The following PTPRN2 variants were observed in gnomAD, a reference collection of about 807,000 sequenced individuals.
PTPRN2 encodes receptor-type tyrosine-protein phosphatase N2.
PTPRN2 carries 74 observed loss-of-function variants against 118.8 expected under a neutral mutation model. That is an observed-to-expected ratio of 0.62 (90% CI 0.52 to 0.76). The LOEUF is 0.76. Among genes scored for constraint, PTPRN2 ranks in the 30% least tolerant of loss-of-function variants. The pLI, the probability that PTPRN2 is intolerant of heterozygous loss-of-function variation, is 0.00. For synonymous variants in PTPRN2, 641 were observed against 608.0 expected, an observed-to-expected ratio of 1.05 and a Z score of -0.80; for missense variants, 1,481 against 1,394.4, an observed-to-expected ratio of 1.06 and a Z score of -0.99.
chr7:158,071,974 CCGTGGTGGAGGTGCT>C (rs1811914632), intron 11 of PTPRN2, among the ~76,000 whole-genome samples: 3 of 33,342 alleles, frequency 9.0e-5, no homozygotes, highest in South Asian at 1.6e-3. Context: ...ATGGAGGTGC[CCGTGGTGGAGGTGCT>C]CGTGGTGGTG....
At chr7:158,419,542 G>A (rs1333228273) in intron 2 of PTPRN2, among the ~76,000 whole-genome samples, 4 of 152,182 alleles carry the variant, frequency 2.6e-5, no homozygotes, top group African/African-American at 7.2e-5. Flanking sequence ...CAGAGTGGCT[G>A]CTCTCTTTCC....
chr7:157,961,113 TGAAG>T (rs1233972770), intron 11 of PTPRN2, among the ~76,000 whole-genome samples: 1 of 152,252 alleles, frequency 6.6e-6, no homozygotes, highest in African/African-American at 2.4e-5. Context: ...GTAACACTCT[TGAAG>T]GAAATATGCC....
chr7:158,007,169 C>T (rs938784162), intron 11 of PTPRN2, among the ~76,000 whole-genome samples: 2 of 152,190 alleles, frequency 1.3e-5, no homozygotes, highest in African/African-American at 4.8e-5. Flanking sequence ...TAACCTCAAT[C>T]GCCTCCTGAA....
chr7:157,997,315 G>C (rs556803835), intron 11 of PTPRN2, among the ~76,000 whole-genome samples: 1 of 152,398 alleles, frequency 6.6e-6, no homozygotes, highest in South Asian at 2.1e-4. Context: ...TCAGCTCCAA[G>C]GATGGGGCAG....
At chr7:157,683,981 G>A (rs573359713) in intron 12 of PTPRN2, among the ~76,000 whole-genome samples, 170 of 152,156 alleles carry the variant, frequency 1.1e-3, no homozygotes, top group African/African-American at 4.0e-3. Flanking sequence ...CCCCATGAAT[G>A]CCTGGCCGGC....
At chr7:158,280,941 CAT>C (rs1186823102) in intron 3 of PTPRN2, among the ~76,000 whole-genome samples, 1 of 152,250 alleles carries the variant, frequency 6.6e-6, no homozygotes, top group Non-Finnish European at 1.5e-5. Flanking sequence ...GCTCTGGAAA[CAT>C]AGGCTAGCGA....
chr7:158,153,182 C>T (rs1217484992), intron 6 of PTPRN2, among the ~76,000 whole-genome samples: 6 of 152,156 alleles, frequency 3.9e-5, no homozygotes, highest in Non-Finnish European at 5.9e-5. Flanking sequence ...ATCAAGCATT[C>T]GGACTCCAGG....
intron 2 of PTPRN2, among the ~76,000 whole-genome samples, chr7:158,458,184 G>A (rs1166370344): frequency 1.3e-5 from 2 of 152,144 alleles, no homozygotes; most frequent in African/African-American, 2.4e-5. Context: ...CCTGTGCTCC[G>A]CTTCCTCCTT....
At chr7:158,325,325 C>A (rs1803406373) in intron 2 of PTPRN2, among the ~76,000 whole-genome samples, 1 of 151,972 alleles carries the variant, frequency 6.6e-6, no homozygotes, top group African/African-American at 2.4e-5. Context: ...ATCTGCTTTT[C>A]CCCTTTTTCT....
intron 12 of PTPRN2, among the ~76,000 whole-genome samples, chr7:157,890,557 G>A (rs1017282961): frequency 6.6e-6 from 1 of 152,182 alleles, no homozygotes; most frequent in Admixed American, 6.5e-5. Flanking sequence ...CAGGAGAATG[G>A]CGTGAACCTG....
intron 8 of PTPRN2, among the ~76,000 whole-genome samples, chr7:158,135,300 A>T (rs1203217292): frequency 6.6e-6 from 1 of 152,224 alleles, no homozygotes; most frequent in Non-Finnish European, 1.5e-5. Flanking sequence ...ATTTTTTAAA[A>T]TTTAAACAAA....
rs556883561 is a variant in PTPRN2, at chr7:158,150,749, G to C, written c.911-12234C>G. ...ATCTGCAAAGCTCTCTTCTTTCCTG[G>C]TCTGTGAGACGCTGCGTATCTGCAG... On this transcript the variant is annotated intron_variant, in intron 6 of 22. Coordinates refer to ENST00000389418, the MANE Select transcript of PTPRN2 (RefSeq NM_002847.5). Among the ~76,000 whole-genome samples, 74 of 151,736 alleles carry C rather than the reference G, an allele frequency of 4.9e-4. 1 individual carries two copies. Among genetic ancestry groups the C allele is most frequent in the African/African-American group, 1.8e-3 (73 of 41,314 alleles).
chr7:157,567,458 C>T (rs1262203897), intron 21 of PTPRN2, among the ~76,000 whole-genome samples: 2 of 151,696 alleles, frequency 1.3e-5, no homozygotes, highest in African/African-American at 2.4e-5. Context: ...TGCTGCAGGA[C>T]GCTGGAGAAC....
At chr7:157,754,359 T>G (rs1801659452) in intron 12 of PTPRN2, among the ~76,000 whole-genome samples, 1 of 152,234 alleles carries the variant, frequency 6.6e-6, no homozygotes, top group African/African-American at 2.4e-5. Context: ...TGCTCTGAGC[T>G]GGGGGCAGGC....
At chr7:157,761,910 A>G (rs941300732) in intron 12 of PTPRN2, among the ~76,000 whole-genome samples, 6 of 152,190 alleles carry the variant, frequency 3.9e-5, no homozygotes, top group Non-Finnish European at 8.8e-5. Context: ...ACAAGAAAAA[A>G]ACCCCATCAA....
At chr7:157,846,877 C>T (rs981025779) in intron 12 of PTPRN2, among the ~76,000 whole-genome samples, 9 of 150,162 alleles carry the variant, frequency 6.0e-5, no homozygotes, top group Non-Finnish European at 1.0e-4. Context: ...CACGTGTGCC[C>T]GATGTTTACA....
chr7:158,483,726 C>G (rs1820799820), intron 2 of PTPRN2, among the ~76,000 whole-genome samples: 1 of 151,946 alleles, frequency 6.6e-6, no homozygotes, highest in Non-Finnish European at 1.5e-5. Context: ...AATTCTCTGG[C>G]TATATCCTTC....
At chr7:158,062,367 T>C (rs1810411400) in intron 11 of PTPRN2, among the ~76,000 whole-genome samples, 1 of 152,250 alleles carries the variant, frequency 6.6e-6, no homozygotes, top group Non-Finnish European at 1.5e-5. Flanking sequence ...GCTCTGCAGT[T>C]TCCCAGGTAC....
chr7:158,458,166 G>A lies in PTPRN2; in HGVS notation c.163+31569C>T, dbSNP rs529187929. ...CTTCTAGCAAAATCCCCCATCCTCC[G>A]AGCTTGGCCTGTGCTCCGCTTCCTC... On this transcript the variant is annotated intron_variant, in intron 2 of 22. Transcript: ENST00000389418. Among the ~76,000 whole-genome samples, 164 of 152,208 alleles carry A rather than the reference G, an allele frequency of 1.1e-3. 1 individual carries two copies. Among genetic ancestry groups the A allele is most frequent in the Admixed American group, 2.7e-3 (41 of 15,292 alleles).
Sources: allele counts gnomAD v4.1 joint callset (sites outside exome capture counted in the v4.1 genomes callset), GRCh38; gene constraint gnomAD v4.1.1; transcripts MANE v1.5; gene names NCBI Gene and HGNC (gene_info 2026-07-23, HGNC 2026-07-21).